Variants in C3orf49 observed in about 807,000 individuals in gnomAD.
C3orf49 encodes the protein chromosome 3 open reading frame 49.
C3orf49 carries 27 observed loss-of-function variants against 13.3 expected under a neutral mutation model. That is an observed-to-expected ratio of 2.02 (90% CI 1.49 to 2.79). The LOEUF (loss-of-function observed/expected upper bound fraction) is 2.79. C3orf49 is among the 30% of genes most tolerant of loss of function. The pLI is 0.00. For missense variants in C3orf49, 242 were observed against 134.2 expected, an observed-to-expected ratio of 1.80 and a Z score of -3.97; for synonymous variants, 87 against 47.6, an observed-to-expected ratio of 1.83 and a Z score of -3.40.
In C3orf49 at chr3:63,823,294, T is replaced by C; in HGVS notation, c.170T>C (p.Leu57Ser). 1 of 703,064 alleles carries C rather than the reference T, an allele frequency of 1.4e-6. No individual in the cohort carries two copies. 43.6% of individuals were successfully genotyped at this position (703,064 alleles called of 1,614,324 possible). The change falls in exon 2 of 7, where the codon TTG becomes TCG. Residue 57 changes from leucine to serine, a missense_variant. By Grantham distance (145) the Leu-to-Ser change is moderately radical. Coordinates refer to ENST00000295896, the MANE Select transcript of C3orf49 (RefSeq NM_001355236.2). ...ACCAACTTACTAAAACAAAATGTAT[T>C]GGTCCCTAAAGAGGAATCATCCAGT... ...VSTNLLKQNV[L>S]VPKEESSSDS...
chr3:63,813,888 T>C, the C3orf49 span, among the ~76,000 whole-genome samples: 5 of 152,228 alleles, frequency 3.3e-5, no homozygotes, highest in Middle Eastern at 3.2e-3. Flanking sequence ...TAGTGAGGAC[T>C]CTTCAGGAAA....
the C3orf49 span, among the ~76,000 whole-genome samples, chr3:63,784,319 T>C: frequency 5.3e-5 from 8 of 152,204 alleles, no homozygotes; most frequent in Non-Finnish European, 1.0e-4. Context: ...ATACCTTGCT[T>C]GTGCATAATC....
chr3:63,805,585 T>G, the C3orf49 span, among the ~76,000 whole-genome samples: 16 of 152,212 alleles, frequency 1.1e-4, no homozygotes, highest in Non-Finnish European at 1.9e-4. Flanking sequence ...TTCTCTTTGT[T>G]CCTCAGGCCC....
chr3:63,838,585 T>A, intron 5 of C3orf49: 1 of 1,297,140 alleles, frequency 7.7e-7, no homozygotes, highest in Non-Finnish European at 1.1e-6. Context: ...TATTTGCTAA[T>A]TAAATTATAG....
the C3orf49 span, among the ~76,000 whole-genome samples, chr3:63,802,927 G>A: frequency 1.3e-5 from 2 of 151,782 alleles, no homozygotes; most frequent in African/African-American, 2.4e-5. Flanking sequence ...CACACACTAA[G>A]CAAAACTACT....
intron 5 of C3orf49, among the ~76,000 whole-genome samples, chr3:63,835,871 G>T (rs1024455300): frequency 4.0e-5 from 6 of 151,600 alleles, no homozygotes; most frequent in African/African-American, 1.5e-4. Context: ...ACACAGTATT[G>T]GTATATAATA....
At chr3:63,824,234 T>C (rs1343223470) in intron 2 of C3orf49, among the ~76,000 whole-genome samples, 1 of 152,124 alleles carries the variant, frequency 6.6e-6, no homozygotes, top group Non-Finnish European at 1.5e-5. Context: ...ATATATTTAT[T>C]GGAAAATCAA....
At chr3:63,782,652 T>A in the C3orf49 span, 1 of 152,240 alleles carries the variant, frequency 6.6e-6, no homozygotes, top group African/African-American at 2.4e-5. Flanking sequence ...ATTCATCTAG[T>A]TAAAATGTCA....
chr3:63,800,097 G>A, the C3orf49 span, among the ~76,000 whole-genome samples: 17 of 152,270 alleles, frequency 1.1e-4, 1 homozygote, highest in African/African-American at 3.8e-4. Context: ...AAAGTATCCT[G>A]ATAATTGAGG....
At chr3:63,841,507 T>C (rs1701759446) in intron 5 of C3orf49, among the ~76,000 whole-genome samples, 2 of 152,224 alleles carry the variant, frequency 1.3e-5, no homozygotes, top group African/African-American at 2.4e-5. Flanking sequence ...TAGGCAGAAG[T>C]ATTTTTGAGC....
chr3:63,780,297 A>G, the C3orf49 span, among the ~76,000 whole-genome samples: 2 of 152,250 alleles, frequency 1.3e-5, no homozygotes, highest in East Asian at 1.9e-4. Context: ...AGCTTCATCC[A>G]TGTCCCTACA....
chr3:63,800,064 C>A, the C3orf49 span, among the ~76,000 whole-genome samples: 5 of 152,098 alleles, frequency 3.3e-5, no homozygotes, highest in African/African-American at 7.2e-5. Context: ...CCTGGACAAC[C>A]CAGACCTTAA....
the C3orf49 span, among the ~76,000 whole-genome samples, chr3:63,794,668 C>A: frequency 6.6e-6 from 1 of 152,158 alleles, no homozygotes; most frequent in Non-Finnish European, 1.5e-5. Context: ...TCATTAAACA[C>A]CTCCTATGTG....
chr3:63,807,857 C>CAAAAAAAAAAAAAAAAAAAAAAAAA, the C3orf49 span, among the ~76,000 whole-genome samples: 1 of 32,256 alleles, frequency 3.1e-5, no homozygotes, highest in South Asian at 1.2e-3. Context: ...AACTTCATCT[C>CAAAAAAAAAAAAAAAAAAAAAAAAA]AAAAAAAAAA....
At chr3:63,829,543 A>G (rs1446255305) in intron 3 of C3orf49, among the ~76,000 whole-genome samples, 1 of 152,240 alleles carries the variant, frequency 6.6e-6, no homozygotes, top group Non-Finnish European at 1.5e-5. Flanking sequence ...AACAATAATC[A>G]TAAAGATAAA....
At chr3:63,783,728 TA>T in the C3orf49 span, among the ~76,000 whole-genome samples, 2 of 147,932 alleles carry the variant, frequency 1.4e-5, no homozygotes, top group Admixed American at 6.7e-5. Flanking sequence ...AAAAAAAAAT[TA>T]AATTAATTAA....
chr3:63,843,833 G>A (rs1384541157), intron 5 of C3orf49, among the ~76,000 whole-genome samples: 3 of 151,978 alleles, frequency 2.0e-5, no homozygotes, highest in African/African-American at 4.8e-5. Context: ...CCCGGGAGGC[G>A]GAGCTTGCAG....
At chr3:63,808,493 C>G in the C3orf49 span, among the ~76,000 whole-genome samples, 1 of 152,166 alleles carries the variant, frequency 6.6e-6, no homozygotes, top group Non-Finnish European at 1.5e-5. Flanking sequence ...TTCTTTCTCT[C>G]TCTTTTATTT....
the C3orf49 span, among the ~76,000 whole-genome samples, chr3:63,809,819 G>C: frequency 1.3e-5 from 2 of 152,158 alleles, no homozygotes; most frequent in Non-Finnish European, 2.9e-5. Context: ...TCTGCTATTA[G>C]GTTGGAGTAA....
Sources: allele counts gnomAD v4.1 joint callset (sites outside exome capture counted in the v4.1 genomes callset), GRCh38; gene constraint gnomAD v4.1.1; transcripts MANE v1.5; gene names NCBI Gene and HGNC (gene_info 2026-07-23, HGNC 2026-07-21).